Variants in CA10 observed in about 807,000 individuals in gnomAD.
CA10 encodes carbonic anhydrase 10 (inactive), also known as carbonic anhydrase-related protein 10.
CA10 carries 14 observed loss-of-function variants against 44.2 expected under a neutral mutation model. The observed-to-expected ratio is 0.32, with a 90% CI of 0.21 to 0.50. The LOEUF (loss-of-function observed/expected upper bound fraction) is 0.50, where lower values mean the gene tolerates loss of function less well. Among genes scored for constraint, CA10 ranks in the 20% least tolerant of loss-of-function variants. The pLI, the probability that CA10 is intolerant of heterozygous loss-of-function variation, is 0.99. For missense variants in CA10, 350 were observed against 409.7 expected (o/e 0.85, Z 1.26); for synonymous variants, 159 against 141.6 (o/e 1.12, Z -0.87).
rs188677607 is a variant in CA10 at position 51,838,580 on chromosome 17, G to A, written c.280-90762C>T. Among the ~76,000 whole-genome samples, 58 of 152,342 alleles carry A rather than the reference G, an allele frequency of 3.8e-4. 1 individual carries two copies. The highest frequency in any genetic ancestry group is 3.4e-3 in the Admixed American group (52 of 15,306). On this transcript the variant is annotated intron_variant, in intron 3 of 8. Coordinates refer to ENST00000451037, the MANE Select transcript of CA10 (RefSeq NM_020178.5). ...TTAACACTCAGAGGAAAAGAGCCTT[G>A]TTTCTTGGTTTCTTTGAAGACTGAC...
chr17:51,739,318 G>A (rs527931331), intron 4 of CA10, among the ~76,000 whole-genome samples: 2 of 152,130 alleles, frequency 1.3e-5, no homozygotes, highest in South Asian at 2.1e-4. Context: ...ATAAACGAAG[G>A]CCTCATTCAA....
intron 3 of CA10, among the ~76,000 whole-genome samples, chr17:51,820,783 G>T (rs1160688946): frequency 6.6e-6 from 1 of 151,976 alleles, no homozygotes; most frequent in East Asian, 1.9e-4. Flanking sequence ...GCACGTCCCA[G>T]AATTAGTGTG....
chr17:51,773,376 A>AGGGGATGT (rs1262207829), intron 3 of CA10, among the ~76,000 whole-genome samples: 1 of 152,230 alleles, frequency 6.6e-6, no homozygotes, highest in African/African-American at 2.4e-5. Context: ...TCTTAGAGAC[A>AGGGGATGT]GGGGATGTAA....
Position 51,870,087 on chromosome 17 carries a change from A to G in CA10, c.279+60903T>C, listed in dbSNP as rs528032718. On this transcript the variant is annotated intron_variant, in intron 3 of 8. Transcript: ENST00000451037. ...ATTGCTGCATGAACTTTTAGGATTCAAGAATCTGACATACAGTTATGATAC... is the reference window on the plus strand; with the variant it reads ...ATTGCTGCATGAACTTTTAGGATTCGAGAATCTGACATACAGTTATGATAC... 2.2e-4 allele frequency among the ~76,000 whole-genome samples: 34 copies of G among 152,320 alleles called. No homozygotes were observed. The South Asian group carries it at 6.8e-3, about 31-fold the overall frequency.
intron 3 of CA10, among the ~76,000 whole-genome samples, chr17:51,892,002 G>T (rs1980878181): frequency 6.6e-6 from 1 of 152,216 alleles, no homozygotes; most frequent in African/African-American, 2.4e-5. Context: ...CAGGGAAAAG[G>T]TAACTATGAG....
At chr17:51,808,440 G>A (rs146274045) in intron 3 of CA10, among the ~76,000 whole-genome samples, 2,029 of 151,360 alleles carry the variant, frequency 0.013, 59 homozygotes, top group African/African-American at 0.047. Context: ...CCTTTTTCTT[G>A]TTTACCCATC....
intron 2 of CA10, among the ~76,000 whole-genome samples, chr17:52,071,760 G>A (rs1239455253): frequency 6.6e-6 from 1 of 152,190 alleles, no homozygotes; most frequent in Admixed American, 6.5e-5. Flanking sequence ...ACCATAATGA[G>A]GGTAAGAGTA....
intron 2 of CA10, among the ~76,000 whole-genome samples, chr17:51,970,219 C>G (rs750094215): frequency 4.6e-5 from 7 of 152,076 alleles, no homozygotes; most frequent in Non-Finnish European, 7.4e-5. Flanking sequence ...ACAATCTTCT[C>G]AAATATCCTT....
chr17:51,825,562 T>C (rs776087611), intron 3 of CA10, among the ~76,000 whole-genome samples: 1 of 152,210 alleles, frequency 6.6e-6, no homozygotes, highest in Non-Finnish European at 1.5e-5. Context: ...CTTAACCCAG[T>C]TAGTCTGACT....
intron 2 of CA10, among the ~76,000 whole-genome samples, chr17:51,986,642 G>A (rs533341772): frequency 4.3e-4 from 65 of 151,924 alleles, no homozygotes; most frequent in African/African-American, 8.0e-4. Context: ...AATCTACCAC[G>A]AACTTCAACA....
At chr17:52,126,129 A>T (rs1448921313) in intron 1 of CA10, among the ~76,000 whole-genome samples, 1 of 152,224 alleles carries the variant, frequency 6.6e-6, no homozygotes, top group African/African-American at 2.4e-5. Flanking sequence ...TGTTATGTGA[A>T]AAAACATTGC....
intron 1 of CA10, among the ~76,000 whole-genome samples, chr17:52,100,461 A>C (rs185724562): frequency 7.9e-5 from 12 of 152,340 alleles, no homozygotes; most frequent in African/African-American, 2.9e-4. Context: ...AGACAAGCCA[A>C]CACCTAGTGG....
At chr17:51,654,366 A>G (rs1025755560) in intron 4 of CA10, among the ~76,000 whole-genome samples, 9 of 152,208 alleles carry the variant, frequency 5.9e-5, no homozygotes, top group African/African-American at 2.2e-4. Context: ...ATTCATTTTT[A>G]AAAATCGTGT....
At chr17:51,761,314 A>C (rs1268060637) in intron 3 of CA10, 1 of 152,196 alleles carries the variant, frequency 6.6e-6, no homozygotes, top group Non-Finnish European at 1.5e-5. Flanking sequence ...GGAGCAGCCA[A>C]GTGACAGTTG....
intron 2 of CA10, among the ~76,000 whole-genome samples, chr17:51,937,446 G>C (rs992628342): frequency 3.9e-5 from 6 of 152,056 alleles, no homozygotes; most frequent in African/African-American, 1.4e-4. Context: ...CTTTGCTGAT[G>C]ATTTCTTCCT....
chr17:51,789,096 C>G (rs554697568), intron 3 of CA10, among the ~76,000 whole-genome samples: 4 of 152,218 alleles, frequency 2.6e-5, no homozygotes, highest in African/African-American at 9.6e-5. Context: ...ATCACTGCAG[C>G]CTCTGCCTCC....
intron 3 of CA10, among the ~76,000 whole-genome samples, chr17:51,767,513 T>G (rs377613263): frequency 4.6e-5 from 7 of 152,166 alleles, no homozygotes; most frequent in African/African-American, 1.7e-4. Context: ...TTCACCACTA[T>G]CAACTAAACC....
At chr17:51,892,625 C>T (rs1433712613) in intron 3 of CA10, among the ~76,000 whole-genome samples, 1 of 152,154 alleles carries the variant, frequency 6.6e-6, no homozygotes, top group Admixed American at 6.5e-5. Flanking sequence ...GTTGGCCCAG[C>T]CTCCGTTCCA....
intron 1 of CA10, among the ~76,000 whole-genome samples, chr17:52,075,507 A>G (rs2143150373): frequency 6.6e-6 from 1 of 152,336 alleles, no homozygotes; most frequent in East Asian, 1.9e-4. Context: ...GTGTATATGC[A>G]AAATGGAGTT....
Sources: allele counts gnomAD v4.1 joint callset (sites outside exome capture counted in the v4.1 genomes callset), GRCh38; gene constraint gnomAD v4.1.1; transcripts MANE v1.5; gene names NCBI Gene and HGNC (gene_info 2026-07-23, HGNC 2026-07-21).